Variants in LHX4 observed in about 807,000 individuals in gnomAD.
The protein encoded by LHX4 is LIM/homeobox protein Lhx4.
Under a neutral mutation model 39.2 loss-of-function variants are expected in LHX4, and 16 were observed. The observed-to-expected ratio is 0.41, with a 90% CI of 0.28 to 0.62. The LOEUF is 0.62. Ranked by LOEUF, LHX4 falls within the 20% of genes least tolerant of loss-of-function variation. The pLI is 0.33. For missense variants in LHX4, 439 were observed against 511.9 expected (o/e 0.86, Z 1.37); for synonymous variants, 206 against 198.1 (o/e 1.04, Z -0.33).
chr1:180,272,273 CT>C (rs1325972299), intron 5 of LHX4, among the ~76,000 whole-genome samples: 1 of 152,130 alleles, frequency 6.6e-6, no homozygotes, highest in Non-Finnish European at 1.5e-5. Context: ...TCCCCTCCTG[CT>C]GACTGGGGCC....
At chr1:180,247,711 T>A (rs996947995) in intron 1 of LHX4, among the ~76,000 whole-genome samples, 1 of 152,232 alleles carries the variant, frequency 6.6e-6, no homozygotes, top group Non-Finnish European at 1.5e-5. Context: ...TGGTATCAGT[T>A]GCAGTTCATT....
chr1:180,230,596 C>CCGA lies in LHX4; in HGVS notation c.68_70dup (p.Pro23_Met24insThr), dbSNP rs1416308877. ...GGGGCTCCCGGAGATGCTAGGTGTG[C>CCGA]CGATGCAACGTAAGACACCCCCCTT... On this transcript the variant is annotated inframe_insertion, in exon 1 of 6. Coordinates refer to ENST00000263726, the MANE Select transcript of LHX4 (RefSeq NM_033343.4). This position sits in a 1 kb window ranked among gnomAD's most constrained non-coding sequence, Gnocchi z 5.8. The CCGA allele has an allele frequency of 6.2e-7, 1 of 1,613,208 alleles. No homozygotes were observed.
At position 180,266,611 on chromosome 1, in the gene LHX4, C is replaced by A. The variant is rs146997948; in HGVS notation, c.451+17C>A. ...AGCAGAACGGTAAGCAGCATGGCCC[C>A]GCATGGTCCCCTCTCCAGGCCTTTG... On this transcript the variant is annotated intron_variant, in intron 3 of 5. Coordinates refer to ENST00000263726, the MANE Select transcript of LHX4 (RefSeq NM_033343.4). The surrounding 1 kb of genome is among the most constrained non-coding windows in gnomAD (Gnocchi z 5.7). 1.9e-6 allele frequency: 3 copies of A among 1,612,132 alleles called. No individual in the cohort carries two copies. The African/African-American group carries it at 4.0e-5, about 21-fold the overall frequency.
intron 1 of LHX4, among the ~76,000 whole-genome samples, chr1:180,233,709 C>G (rs1328027431): frequency 6.6e-6 from 1 of 152,130 alleles, no homozygotes; most frequent in Non-Finnish European, 1.5e-5. Context: ...CGACGGAAGC[C>G]CGCCGCCCGG....
At chr1:180,274,065 T>G in intron 5 of LHX4, 120 bp from the exon 6 acceptor site, 2 of 1,286,948 alleles carry the variant, frequency 1.6e-6, no homozygotes, top group Non-Finnish European at 2.2e-6. Flanking sequence ...CATGCTTGGC[T>G]GCAAGGCAGC....
At chr1:180,254,067 C>T (rs2149258568) in intron 2 of LHX4, among the ~76,000 whole-genome samples, 1 of 152,326 alleles carries the variant, frequency 6.6e-6, no homozygotes, top group East Asian at 1.9e-4. Flanking sequence ...AGGTCAAGGG[C>T]AAAGCCTTCA....
intron 1 of LHX4, among the ~76,000 whole-genome samples, chr1:180,237,069 G>A (rs1664337527): frequency 1.3e-5 from 2 of 152,184 alleles, no homozygotes; most frequent in Admixed American, 6.5e-5. Context: ...GCGGTCTGGT[G>A]GCTTGAATTT....
chr1:180,251,310 C>T (rs552849838), intron 2 of LHX4, among the ~76,000 whole-genome samples: 10 of 152,320 alleles, frequency 6.6e-5, no homozygotes, highest in East Asian at 1.9e-4. Context: ...CGCCTCCACA[C>T]GCCAGCCCAG....
At position 180,278,572 on chromosome 1, in the gene LHX4, G is replaced by A. The variant is rs1649182140; in HGVS notation, c.*3993G>A. ...CCTTTGCTTAGGGAGGCAGAGCACAGGTGAACAGAGGAAGGACACCCCCAC... is the reference window on the plus strand; with the variant it reads ...CCTTTGCTTAGGGAGGCAGAGCACAAGTGAACAGAGGAAGGACACCCCCAC... On this transcript the variant is annotated 3_prime_UTR_variant, in exon 6 of 6. Coordinates refer to ENST00000263726, the MANE Select transcript of LHX4 (RefSeq NM_033343.4). The A allele has an allele frequency of 6.6e-6, 1 of 152,036 alleles. No homozygotes were observed. Among genetic ancestry groups the A allele is most frequent in the African/African-American group, 2.4e-5 (1 of 41,348 alleles). 9.4% of individuals were successfully genotyped at this position (152,036 alleles called of 1,614,324 possible). A position where few individuals can be genotyped will look rare whatever the true frequency, so the allele number is the denominator to read the frequency against.
chr1:180,271,618 G>A lies in LHX4; in HGVS notation c.606+84G>A, dbSNP rs74132442. On this transcript the variant is annotated intron_variant, in intron 4 of 5. Transcript: ENST00000263726. Reference sequence around the variant, plus strand: ...GGTATCCTGAGTGACATCAGCTCACGGGTGGTTGGGCTCAGGGCTTGACCC... The same window carrying A: ...GGTATCCTGAGTGACATCAGCTCACAGGTGGTTGGGCTCAGGGCTTGACCC... 8.3e-4 allele frequency: 1,268 copies of A among 1,533,684 alleles called. 12 individuals carry two copies. In the African/African-American group the frequency reaches 0.015, roughly 19 times the overall value.
chr1:180,238,926 G>A (rs1353895431), intron 1 of LHX4, among the ~76,000 whole-genome samples: 2 of 152,212 alleles, frequency 1.3e-5, no homozygotes, highest in Non-Finnish European at 2.9e-5. Context: ...GATGAATCAG[G>A]CCTTCTTCCT....
Position 180,276,183 on chromosome 1 carries a change from G to C in LHX4, c.*1604G>C, listed in dbSNP as rs1026932615. ...CATTGCCTATCACATGAAGTGATGG[G>C]GCCAGAGACCCTAAGGACCCTTCCT... On this transcript the variant is annotated 3_prime_UTR_variant, in exon 6 of 6. Coordinates refer to ENST00000263726, the MANE Select transcript of LHX4 (RefSeq NM_033343.4). 2.0e-5 allele frequency: 3 copies of C among 152,148 alleles called. No individual in the cohort carries two copies. Among genetic ancestry groups the C allele is most frequent in the Non-Finnish European group, 4.4e-5 (3 of 68,036 alleles). The allele number at this position is 152,148 out of a possible 1,614,324, so 9.4% of individuals were successfully genotyped here.
chr1:180,247,208 C>T (rs1647422488), intron 1 of LHX4, among the ~76,000 whole-genome samples: 1 of 152,070 alleles, frequency 6.6e-6, no homozygotes, highest in African/African-American at 2.4e-5. Context: ...GCAAGCAATC[C>T]CTTGGAAAGA....
At chr1:180,240,584 C>T (rs1158346100) in intron 1 of LHX4, among the ~76,000 whole-genome samples, 2 of 152,146 alleles carry the variant, frequency 1.3e-5, no homozygotes, top group Admixed American at 6.5e-5. Flanking sequence ...TAATTAAAAT[C>T]GATCAAACAA....
chr1:180,246,627 C>T (rs1647392919), intron 1 of LHX4, among the ~76,000 whole-genome samples: 1 of 152,230 alleles, frequency 6.6e-6, no homozygotes, highest in Non-Finnish European at 1.5e-5. Flanking sequence ...AAGAGAATCA[C>T]TTGAACCCAG....
At chr1:180,238,380 C>T (rs1018588826) in intron 1 of LHX4, among the ~76,000 whole-genome samples, 3 of 152,108 alleles carry the variant, frequency 2.0e-5, no homozygotes, top group African/African-American at 4.8e-5. Flanking sequence ...GACTTTTTTT[C>T]TGGTTGCTAG....
upstream of LHX4, among the ~76,000 whole-genome samples, chr1:180,229,970 G>GGGCGGGGGGA (rs1558204957): frequency 1.4e-5 from 2 of 143,990 alleles, no homozygotes; most frequent in Non-Finnish European, 3.1e-5. Context: ...GGGGAGGGGG[G>GGGCGGGGGGA]GGGGGTGCCG....
intron 1 of LHX4, among the ~76,000 whole-genome samples, chr1:180,238,033 T>G (rs1664364828): frequency 6.6e-6 from 1 of 152,242 alleles, no homozygotes; most frequent in South Asian, 2.1e-4. Flanking sequence ...TACTGAAGAA[T>G]ACTAATTACG....
chr1:180,245,290 G>A (rs985715187), intron 1 of LHX4, among the ~76,000 whole-genome samples: 6 of 152,326 alleles, frequency 3.9e-5, no homozygotes, highest in South Asian at 4.1e-4. Flanking sequence ...ACTGGGGGGC[G>A]TCACACCAAA....
Sources: allele counts gnomAD v4.1 joint callset (sites outside exome capture counted in the v4.1 genomes callset), GRCh38; gene constraint gnomAD v4.1.1; non-coding constraint Gnocchi (gnomAD v3.1); transcripts MANE v1.5; gene names NCBI Gene and HGNC (gene_info 2026-07-23, HGNC 2026-07-21).